The following AMPH variants were observed in gnomAD, a reference collection of about 807,000 sequenced individuals.
AMPH encodes the protein amphiphysin (Stiff-Mann syndrome with breast cancer 128kD autoantigen).
In AMPH, 49 loss-of-function variants were observed where a neutral mutation model predicts 99.1. The ratio of observed to expected loss-of-function variants is 0.49; its 90% CI spans 0.39 to 0.63. AMPH has a LOEUF of 0.63. Among genes scored for constraint, AMPH ranks in the 20% least tolerant of loss-of-function variants. The pLI is 0.00. For missense variants in AMPH, 759 were observed against 863.4 expected, an observed-to-expected ratio of 0.88 and a Z score of 1.52; for synonymous variants, 314 against 317.3, an observed-to-expected ratio of 0.99 and a Z score of 0.11.
At chr7:38,457,907 T>G (rs1787294435) in intron 11 of AMPH, among the ~76,000 whole-genome samples, 1 of 152,054 alleles carries the variant, frequency 6.6e-6, no homozygotes, top group Non-Finnish European at 1.5e-5. Context: ...TGTCATAATG[T>G]TAATTGTTTT....
intron 2 of AMPH, among the ~76,000 whole-genome samples, chr7:38,514,466 T>A (rs143219614): frequency 4.6e-4 from 70 of 152,360 alleles, no homozygotes; most frequent in African/African-American, 1.4e-3. Context: ...ACTAAGAGTA[T>A]ATGCTATGGT....
chr7:38,556,129 TA>T (rs1201922802), intron 1 of AMPH, among the ~76,000 whole-genome samples: 24 of 152,046 alleles, frequency 1.6e-4, no homozygotes, highest in African/African-American at 5.1e-4. Context: ...AAATAAATAT[TA>T]AAAATAAAAA....
intron 1 of AMPH, among the ~76,000 whole-genome samples, chr7:38,630,332 A>G (rs905605005): frequency 5.9e-5 from 9 of 152,220 alleles, no homozygotes; most frequent in African/African-American, 1.7e-4. Flanking sequence ...CGTCATATAC[A>G]GCAGTCACCA....
At chr7:38,443,147 C>A (rs1447522999) in intron 11 of AMPH, among the ~76,000 whole-genome samples, 1 of 151,964 alleles carries the variant, frequency 6.6e-6, no homozygotes, top group Non-Finnish European at 1.5e-5. Flanking sequence ...TCATGAGAAA[C>A]ACAAACTACA....
At position 38,435,184 on chromosome 7, in the gene AMPH, A is replaced by T. The variant is rs144711064; in HGVS notation, c.1134+1088T>A. On this transcript the variant is annotated intron_variant, in intron 12 of 20. Coordinates refer to ENST00000356264, the MANE Select transcript of AMPH (RefSeq NM_001635.4). ...CAAAGCATCTTCAAGGCTAGTGTTT[A>T]GACTATTAATTTCTTACTTTATTAA... 5.5e-3 allele frequency among the ~76,000 whole-genome samples: 839 copies of T among 152,354 alleles called. 9 individuals carry two copies. The highest frequency in any genetic ancestry group is 0.019 in the African/African-American group (790 of 41,588).
At chr7:38,456,961 C>T (rs1787259829) in intron 11 of AMPH, among the ~76,000 whole-genome samples, 2 of 152,200 alleles carry the variant, frequency 1.3e-5, no homozygotes, top group African/African-American at 4.8e-5. Flanking sequence ...CACCCTAAGT[C>T]ATTGAGGAAA....
chr7:38,448,720 A>G (rs1269247428), intron 11 of AMPH, among the ~76,000 whole-genome samples: 4 of 152,232 alleles, frequency 2.6e-5, no homozygotes, highest in Non-Finnish European at 2.9e-5. Context: ...TTAAAAGGAT[A>G]GTATAATGCA....
chr7:38,488,180 A>G (rs1788581667), intron 5 of AMPH, among the ~76,000 whole-genome samples: 1 of 152,210 alleles, frequency 6.6e-6, no homozygotes. Context: ...CTGGGTATAT[A>G]CCCAAAGGAT....
chr7:38,595,608 A>C (rs1441706595), intron 1 of AMPH, among the ~76,000 whole-genome samples: 2 of 152,178 alleles, frequency 1.3e-5, no homozygotes, highest in Non-Finnish European at 2.9e-5. Context: ...GGTTACATGT[A>C]CAGGTTTTTT....
chr7:38,540,890 G>A (rs1456490882), intron 1 of AMPH, among the ~76,000 whole-genome samples: 1 of 151,364 alleles, frequency 6.6e-6, no homozygotes, highest in African/African-American at 2.4e-5. Flanking sequence ...GCTCCAACTA[G>A]ACAAATTTTC....
At chr7:38,434,569 C>T (rs1028046307) in intron 12 of AMPH, among the ~76,000 whole-genome samples, 2 of 152,052 alleles carry the variant, frequency 1.3e-5, no homozygotes, top group African/African-American at 4.8e-5. Context: ...GAAACCCCAC[C>T]TCTACTAAAA....
chr7:38,616,655 A>T (rs1562864345), intron 1 of AMPH, among the ~76,000 whole-genome samples: 1 of 152,256 alleles, frequency 6.6e-6, no homozygotes, highest in Non-Finnish European at 1.5e-5. Flanking sequence ...ATAATTTATC[A>T]ATAAAAAAAG....
chr7:38,535,447 C>T (rs934802853), intron 1 of AMPH, among the ~76,000 whole-genome samples: 1 of 152,174 alleles, frequency 6.6e-6, no homozygotes, highest in Non-Finnish European at 1.5e-5. Context: ...CAGTGGTCCC[C>T]AAACTTTTTG....
chr7:38,564,414 G>A (rs1791656902), intron 1 of AMPH, among the ~76,000 whole-genome samples: 1 of 152,204 alleles, frequency 6.6e-6, no homozygotes, highest in Non-Finnish European at 1.5e-5. Context: ...TGGCAAGGTG[G>A]TGGCCACCTG....
At chr7:38,429,645 T>C (rs1785927367) in intron 14 of AMPH, 197 bp downstream of exon 14, 2 of 1,403,550 alleles carry the variant, frequency 1.4e-6, no homozygotes, top group Non-Finnish European at 9.5e-7. Flanking sequence ...CATGGTAAGA[T>C]TTGATGAGAA....
intron 2 of AMPH, among the ~76,000 whole-genome samples, chr7:38,518,224 T>C (rs989244817): frequency 1.3e-5 from 2 of 152,204 alleles, no homozygotes; most frequent in Admixed American, 6.5e-5. Flanking sequence ...CCTCCCATAA[T>C]ATTTCAAAGG....
At chr7:38,489,804 T>G (rs763173813) in intron 5 of AMPH, among the ~76,000 whole-genome samples, 69 of 151,426 alleles carry the variant, frequency 4.6e-4, no homozygotes, top group Non-Finnish European at 9.0e-4. Context: ...CTAGAGAGAG[T>G]TGGAAAATGA....
rs953933521 is a variant in AMPH at position 38,391,828 on chromosome 7, C to T, written c.1798G>A (p.Ala600Thr). 6.2e-6 allele frequency: 10 copies of T among 1,613,650 alleles called. No homozygotes were observed. Among genetic ancestry groups the T allele is most frequent in the Non-Finnish European group, 8.5e-6 (10 of 1,179,968 alleles). ...PIQDPQPTPSAPAMGAADQLA... is the reference protein window; with the variant it reads ...PIQDPQPTPSTPAMGAADQLA... ...TGGTCAGCAGCCCCCATGGCTGGTG[C>T]AGAAGGCGTGGGCTGAGGGTCCTGG... Residue 600 changes from alanine to threonine, a missense_variant, in exon 19 of 21, where the codon GCA becomes ACA. By Grantham distance (58) the Ala-to-Thr change is moderately conservative. This residue lies in a region of AMPH where 554 missense variants were observed against 575.6 expected (regional missense o/e 0.96). Coordinates refer to ENST00000356264, the MANE Select transcript of AMPH (RefSeq NM_001635.4).
intron 20 of AMPH, among the ~76,000 whole-genome samples, 174 bp from the exon 21 acceptor site, chr7:38,385,099 G>GT (rs1784315744): frequency 6.8e-6 from 1 of 147,036 alleles, no homozygotes; most frequent in South Asian, 2.1e-4. Flanking sequence ...TAAGTTGTTA[G>GT]TTAAAAAAAA....
Sources: allele counts gnomAD v4.1 joint callset (sites outside exome capture counted in the v4.1 genomes callset), GRCh38; gene constraint gnomAD v4.1.1; regional missense constraint gnomAD v4.1.1; transcripts MANE v1.5; gene names NCBI Gene and HGNC (gene_info 2026-07-23, HGNC 2026-07-21).